The following PDE4D variants were observed in gnomAD, a reference collection of about 807,000 sequenced individuals.
PDE4D encodes 3',5'-cyclic-AMP phosphodiesterase 4D.
In PDE4D, 24 loss-of-function variants were observed where a neutral mutation model predicts 87.4. The ratio of observed to expected loss-of-function variants is 0.27; its 90% CI spans 0.20 to 0.39. The LOEUF is 0.39. Ranked by LOEUF, PDE4D falls within the 10% of genes least tolerant of loss-of-function variation. The pLI, the probability that PDE4D is intolerant of heterozygous loss-of-function variation, is 1.00. For missense variants in PDE4D, 714 were observed against 1,041.0 expected (o/e 0.69, Z 4.32); for synonymous variants, 384 against 383.2 (o/e 1.00, Z -0.02).
intron 2 of PDE4D, among the ~76,000 whole-genome samples, chr5:60,140,188 A>C (rs988359893): frequency 2.6e-5 from 4 of 152,138 alleles, no homozygotes; most frequent in Non-Finnish European, 5.9e-5. Flanking sequence ...CTTTAATCAA[A>C]GTGCATATTA....
intron 5 of PDE4D, among the ~76,000 whole-genome samples, chr5:59,172,424 G>A (rs1783158004): frequency 6.9e-6 from 1 of 144,836 alleles, no homozygotes; most frequent in African/African-American, 2.5e-5. Context: ...TCCAGGCTCT[G>A]TGGCTCATGC....
rs1744220580 is a variant in PDE4D, at chr5:60,219,277, T to C, written c.-89-33590A>G. Reference sequence around the variant, plus strand: ...AGGCAAAGGTTAGCTTCCTGGAGAATTGTTGTTACAATAGATGTATGACTT... The same window carrying C: ...AGGCAAAGGTTAGCTTCCTGGAGAACTGTTGTTACAATAGATGTATGACTT... On this transcript the variant is annotated intron_variant, in intron 1 of 16. Transcript: ENST00000502484. 1.3e-5 allele frequency among the ~76,000 whole-genome samples: 2 copies of C among 152,186 alleles called. 1 individual carries two copies. The highest frequency in any genetic ancestry group is 4.8e-5 in the African/African-American group (2 of 41,558).
At chr5:60,176,608 G>A (rs1029861855) in intron 2 of PDE4D, among the ~76,000 whole-genome samples, 1 of 152,104 alleles carries the variant, frequency 6.6e-6, no homozygotes. Flanking sequence ...TAGAATGGGG[G>A]TACTCTTGGC....
intron 1 of PDE4D, among the ~76,000 whole-genome samples, chr5:59,332,389 G>A (rs1378560807): frequency 1.3e-5 from 2 of 152,068 alleles, no homozygotes; most frequent in Non-Finnish European, 2.9e-5. Flanking sequence ...AAGCCCTGGG[G>A]TCCATTATGA....
intron 1 of PDE4D, among the ~76,000 whole-genome samples, chr5:60,194,420 G>C (rs149969919): frequency 0.011 from 1,617 of 151,562 alleles, 66 homozygotes; most frequent in Non-Finnish European, 0.019. Flanking sequence ...TTCTTATTTT[G>C]TCTACATCTA....
chr5:59,993,328 C>T (rs1763201072), intron 2 of PDE4D, among the ~76,000 whole-genome samples: 1 of 152,114 alleles, frequency 6.6e-6, no homozygotes, highest in Non-Finnish European at 1.5e-5. Context: ...AATATCCAGG[C>T]ACAAAGATGT....
chr5:59,588,493 C>T (rs571136660), intron 1 of PDE4D, among the ~76,000 whole-genome samples: 49 of 152,136 alleles, frequency 3.2e-4, no homozygotes, highest in Admixed American at 8.5e-4. Context: ...AATGGAATAC[C>T]GGCAACATTT....
In PDE4D at chr5:59,616,534, GA is replaced by G. The variant is rs199619554; in HGVS notation, c.455+276633del. On this transcript the variant is annotated intron_variant, in intron 1 of 14. Transcript: ENST00000340635. ...AATTGGCAACTCATATTAAGTTTAA[GA>G]ATAGGAATTACCTACAAAAAATTTC... Among the ~76,000 whole-genome samples, 1,513 of 152,124 alleles carry G rather than the reference GA, an allele frequency of 9.9e-3. 11 individuals are homozygous for G. The highest frequency in any genetic ancestry group is 0.018 in the Non-Finnish European group (1,218 of 68,014).
intron 4 of PDE4D, among the ~76,000 whole-genome samples, chr5:59,184,876 G>A (rs541269350): frequency 3.9e-5 from 6 of 152,144 alleles, no homozygotes; most frequent in South Asian, 2.1e-4. Context: ...ATTCACCCAC[G>A]GTTAATTTAT....
intron 1 of PDE4D, among the ~76,000 whole-genome samples, chr5:59,440,079 G>C (rs1441888015): frequency 6.6e-6 from 1 of 152,102 alleles, no homozygotes; most frequent in Admixed American, 6.5e-5. Flanking sequence ...ATTAATGAAA[G>C]AGATTCATTT....
intron 1 of PDE4D, among the ~76,000 whole-genome samples, chr5:59,451,141 A>G (rs962955396): frequency 1.3e-5 from 2 of 152,224 alleles, no homozygotes; most frequent in African/African-American, 4.8e-5. Flanking sequence ...GTGTTTCACT[A>G]AACCAATGAA....
At chr5:59,645,179 G>A (rs1742243815) in intron 1 of PDE4D, among the ~76,000 whole-genome samples, 1 of 152,182 alleles carries the variant, frequency 6.6e-6, no homozygotes, top group South Asian at 2.1e-4. Flanking sequence ...TGTTTCCTTA[G>A]GCAAACAGAT....
intron 1 of PDE4D, among the ~76,000 whole-genome samples, chr5:59,710,039 T>C (rs774531333): frequency 6.6e-6 from 1 of 152,114 alleles, no homozygotes; most frequent in Non-Finnish European, 1.5e-5. Context: ...TTTCTTTCCT[T>C]GAGAGATTCT....
chr5:60,101,722 T>C (rs950937692), intron 2 of PDE4D, among the ~76,000 whole-genome samples: 2 of 152,280 alleles, frequency 1.3e-5, no homozygotes, highest in Non-Finnish European at 1.5e-5. Context: ...AGTGGAGTAA[T>C]TGTCTCTAAA....
chr5:59,523,287 G>A (rs1812546658), intron 1 of PDE4D, among the ~76,000 whole-genome samples: 1 of 152,196 alleles, frequency 6.6e-6, no homozygotes. Context: ...TTATAGGGAT[G>A]TTTTGTGAAT....
intron 1 of PDE4D, among the ~76,000 whole-genome samples, chr5:60,220,421 C>A (rs569261875): frequency 7.2e-5 from 11 of 152,278 alleles, no homozygotes; most frequent in Admixed American, 3.9e-4. Context: ...ACTGGTTTCA[C>A]ATTTTGCTTA....
At chr5:59,486,177 G>A (rs190616069) in intron 1 of PDE4D, among the ~76,000 whole-genome samples, 427 of 152,092 alleles carry the variant, frequency 2.8e-3, no homozygotes, top group Non-Finnish European at 4.7e-3. Context: ...GATATGGTTT[G>A]GTTAGAGACT....
At chr5:59,752,827 G>A (rs77728901) in intron 1 of PDE4D, among the ~76,000 whole-genome samples, 4,379 of 152,162 alleles carry the variant, frequency 0.029, 187 homozygotes, top group African/African-American at 0.09. Flanking sequence ...GTATCCATAG[G>A]ACACAATAAC....
intron 1 of PDE4D, among the ~76,000 whole-genome samples, chr5:59,812,978 A>G (rs1768537952): frequency 6.6e-6 from 1 of 152,228 alleles, no homozygotes; most frequent in East Asian, 1.9e-4. Flanking sequence ...AGACATAATA[A>G]TATTCCTAAA....
Sources: gnomAD v4.1 joint callset for allele counts (sites outside exome capture counted in the v4.1 genomes callset) on GRCh38, gnomAD v4.1.1 for gene constraint, MANE v1.5 for transcripts, NCBI Gene and HGNC (gene_info 2026-07-23, HGNC 2026-07-21) for gene names.